The following TNIP3 variants were observed in gnomAD, a reference collection of about 807,000 sequenced individuals.
TNIP3 encodes the protein TNFAIP3-interacting protein 3.
Under a neutral mutation model 54.1 loss-of-function variants are expected in TNIP3, and 34 were observed. The observed-to-expected ratio is 0.63, with a 90% confidence interval of 0.48 to 0.84. The LOEUF (loss-of-function observed/expected upper bound fraction) is 0.84, where lower values mean the gene tolerates loss of function less well. Among genes scored for constraint, TNIP3 ranks in the 40% least tolerant of loss-of-function variants. The pLI, the probability that TNIP3 is intolerant of heterozygous loss-of-function variation, is 0.00. For synonymous variants in TNIP3, 134 were observed against 136.8 expected, an observed-to-expected ratio of 0.98 and a Z score of 0.14; for missense variants, 366 against 387.6, an observed-to-expected ratio of 0.94 and a Z score of 0.47.
rs191980978 is a variant in TNIP3, at chr4:121,222,884, C to T, written c.3+4501G>A. 1.6e-3 allele frequency among the ~76,000 whole-genome samples: 233 copies of T among 143,018 alleles called. 2 individuals are homozygous for T. Among genetic ancestry groups the T allele is most frequent in the African/African-American group, 5.7e-3 (218 of 38,564 alleles). The allele number at this position is 143,018 out of a possible 152,430, so 93.8% of individuals were successfully genotyped here. ...GCAGTGGCGCGATCTTGGCTCACTG[C>T]AAGCTCCGCCTCCCAGGTTCACGCT... On this transcript the variant is annotated intron_variant, in intron 1 of 12. Coordinates refer to the TNIP3 transcript ENST00000509841.
intron 5 of TNIP3, 21 bp downstream of exon 5, chr4:121,154,530 C>T (rs1560650449): frequency 1.9e-6 from 3 of 1,611,896 alleles, no homozygotes; most frequent in African/African-American, 1.3e-5. Context: ...TTTAATCTCC[C>T]ATGCTTGACC....
At chr4:121,170,098 T>C (rs1292702916) in intron 3 of TNIP3, among the ~76,000 whole-genome samples, 1 of 152,154 alleles carries the variant, frequency 6.6e-6, no homozygotes, top group African/African-American at 2.4e-5. Context: ...TCTTCCAGAG[T>C]GGAGTTAGCT....
intron 3 of TNIP3, among the ~76,000 whole-genome samples, chr4:121,180,393 C>A (rs984206231): frequency 2.6e-5 from 4 of 151,406 alleles, no homozygotes; most frequent in South Asian, 2.1e-4. Context: ...GAGCGAGACT[C>A]CGCCTCAGAA....
At chr4:121,199,669 T>C (rs976552706) in intron 2 of TNIP3, among the ~76,000 whole-genome samples, 1 of 152,238 alleles carries the variant, frequency 6.6e-6, no homozygotes, top group Admixed American at 6.5e-5. Context: ...TTCAACAGCC[T>C]GAGAAGAATG....
intron 2 of TNIP3, among the ~76,000 whole-genome samples, chr4:121,215,403 T>C (rs1198706348): frequency 6.6e-6 from 1 of 152,234 alleles, no homozygotes; most frequent in East Asian, 1.9e-4. Flanking sequence ...AACAGAAATA[T>C]TGGCCTGTAG....
chr4:121,140,829 C>T (rs1729074293), intron 9 of TNIP3, among the ~76,000 whole-genome samples: 1 of 152,150 alleles, frequency 6.6e-6, no homozygotes, highest in African/African-American at 2.4e-5. Context: ...CATGAAAAGA[C>T]TCAATTCTTA....
intron 2 of TNIP3, among the ~76,000 whole-genome samples, chr4:121,189,260 C>T (rs1268482415): frequency 6.6e-6 from 1 of 152,190 alleles, no homozygotes; most frequent in Non-Finnish European, 1.5e-5. Context: ...GCCAAGGTCA[C>T]ATTTTCTGCT....
In TNIP3 at chr4:121,132,370, A is replaced by G. The variant is rs1728524173; in HGVS notation, c.*261T>C. ...TGAAGAGATTTTCAGGGAGTCGTGCATCATCCATCTGCCAAGTCTCATTTC... is the reference window on the plus strand; with the variant it reads ...TGAAGAGATTTTCAGGGAGTCGTGCGTCATCCATCTGCCAAGTCTCATTTC... On this transcript the variant is annotated 3_prime_UTR_variant, in exon 11 of 11. Coordinates refer to ENST00000057513, the MANE Select transcript of TNIP3 (RefSeq NM_024873.6). 2.2e-6 allele frequency: 1 copy of G among 455,680 alleles called. No homozygotes were observed. The highest frequency in any genetic ancestry group is 3.9e-5 in the South Asian group (1 of 25,580). The allele number at this position is 455,680 out of a possible 1,614,324, so 28.2% of individuals were successfully genotyped here. A position where few individuals can be genotyped will look rare whatever the true frequency, so the allele number is the denominator to read the frequency against.
At chr4:121,196,833 G>A (rs1725613318) in intron 2 of TNIP3, among the ~76,000 whole-genome samples, 6 of 151,196 alleles carry the variant, frequency 4.0e-5, no homozygotes, top group African/African-American at 1.2e-4. Context: ...ATTTTCTTTC[G>A]ATTTATATAC....
chr4:121,205,623 G>T (rs1012229851), intron 2 of TNIP3, among the ~76,000 whole-genome samples: 1 of 152,102 alleles, frequency 6.6e-6, no homozygotes, highest in Non-Finnish European at 1.5e-5. Context: ...GGATGCTAGT[G>T]GTTTGGACAG....
At chr4:121,143,909 G>T (rs1477271434) in intron 7 of TNIP3, among the ~76,000 whole-genome samples, 2 of 152,068 alleles carry the variant, frequency 1.3e-5, no homozygotes, top group Non-Finnish European at 2.9e-5. Flanking sequence ...ATATACGTGT[G>T]GGCCATTCTA....
chr4:121,196,547 A>C (rs1003318772), intron 2 of TNIP3, among the ~76,000 whole-genome samples: 1 of 152,170 alleles, frequency 6.6e-6, no homozygotes, highest in Non-Finnish European at 1.5e-5. Context: ...AAAACCAAAG[A>C]ATTTGTCACA....
At chr4:121,202,618 G>T (rs1725955870) in intron 2 of TNIP3, among the ~76,000 whole-genome samples, 1 of 152,102 alleles carries the variant, frequency 6.6e-6, no homozygotes, top group South Asian at 2.1e-4. Flanking sequence ...CACAGCAAAA[G>T]AAATAATCAG....
At chr4:121,148,460 A>G (rs1729556021) in intron 6 of TNIP3, among the ~76,000 whole-genome samples, 1 of 152,246 alleles carries the variant, frequency 6.6e-6, no homozygotes, top group South Asian at 2.1e-4. Context: ...CATGTGGTGT[A>G]CCTTATATGC....
At chr4:121,170,172 A>C (rs1054653856) in intron 3 of TNIP3, among the ~76,000 whole-genome samples, 12 of 152,226 alleles carry the variant, frequency 7.9e-5, no homozygotes, top group Non-Finnish European at 1.3e-4. Flanking sequence ...ATTGTAAAGC[A>C]GTTGTTAATT....
In TNIP3 at chr4:121,147,179, G is replaced by A. The variant is rs1365430697; in HGVS notation, c.610-5C>T. The A allele has an allele frequency of 6.2e-7, 1 of 1,603,542 alleles. No homozygotes were observed. On this transcript the variant is annotated splice_polypyrimidine_tract_variant and splice_region_variant and intron_variant, in intron 6 of 10. Transcript: ENST00000057513. ...GTCTTCTTCGTATATTTGCACCTAA[G>A]AAATATTAGCTTGCTGTTACTGTAA... is the stretch of plus-strand genomic sequence containing the variant.
rs192423638 is a variant in TNIP3, at chr4:121,134,841, C to T, written c.947-2179G>A. On this transcript the variant is annotated intron_variant, in intron 10 of 10. Coordinates refer to ENST00000057513, the MANE Select transcript of TNIP3 (RefSeq NM_024873.6). ...ACACCCTTCCTCACAGTGTGAGCGACGTTTCCTCCAGAACAAGCTCCTCCT... is the reference window on the plus strand; with the variant it reads ...ACACCCTTCCTCACAGTGTGAGCGATGTTTCCTCCAGAACAAGCTCCTCCT... 6.6e-4 allele frequency among the ~76,000 whole-genome samples: 100 copies of T among 152,310 alleles called. 1 individual carries two copies. Among genetic ancestry groups the T allele is most frequent in the African/African-American group, 2.2e-3 (93 of 41,564 alleles).
At chr4:121,159,798 G>T (rs921544606) in intron 2 of TNIP3, among the ~76,000 whole-genome samples, 4 of 152,218 alleles carry the variant, frequency 2.6e-5, no homozygotes, top group Non-Finnish European at 5.9e-5. Flanking sequence ...TTGGCTTTTT[G>T]TTGGGGAAGT....
At position 121,161,231 on chromosome 4, in the gene TNIP3, AAGAG is replaced by A; in HGVS notation, c.67-19_67-16del. On this transcript the variant is annotated splice_polypyrimidine_tract_variant and intron_variant, in intron 1 of 10. Coordinates refer to ENST00000057513, the MANE Select transcript of TNIP3 (RefSeq NM_024873.6). ...GGTTCAGCACACTTAGAAAAAAAAA[AAGAG>A]AGAAGATTGAAACAAAGCTGTTTAC... 1 of 1,543,174 alleles carries A rather than the reference AAGAG, an allele frequency of 6.5e-7. No individual in the cohort carries two copies.
Sources: allele counts gnomAD v4.1 joint callset (sites outside exome capture counted in the v4.1 genomes callset), GRCh38; gene constraint gnomAD v4.1.1; transcripts MANE v1.5; gene names NCBI Gene and HGNC (gene_info 2026-07-23, HGNC 2026-07-21).